TRAK1: variants seen among roughly 807,000 people sequenced by gnomAD.
TRAK1 encodes the protein trafficking kinesin-binding protein 1.
In TRAK1, 33 loss-of-function variants were observed where a neutral mutation model predicts 92.1. The ratio of observed to expected loss-of-function variants is 0.36; its 90% CI spans 0.27 to 0.48. TRAK1 has a LOEUF of 0.48. Among genes scored for constraint, TRAK1 ranks in the 20% least tolerant of loss-of-function variants. The pLI is 0.99. For missense variants in TRAK1, 1,123 were observed against 1,257.9 expected (o/e 0.89, Z 1.62); for synonymous variants, 521 against 517.3 (o/e 1.01, Z -0.10).
chr3:42,135,245 A>G (rs138337389), intron 2 of TRAK1, among the ~76,000 whole-genome samples: 1 of 152,344 alleles, frequency 6.6e-6, no homozygotes, highest in Non-Finnish European at 1.5e-5. Context: ...GGCAGAGATC[A>G]TGTTAGTTTT....
chr3:42,055,902 T>C (rs755196162), intron 1 of TRAK1, among the ~76,000 whole-genome samples: 2 of 150,598 alleles, frequency 1.3e-5, no homozygotes, highest in African/African-American at 2.5e-5. Flanking sequence ...TTTCCTCTTT[T>C]GGACATTTGT....
intron 2 of TRAK1, among the ~76,000 whole-genome samples, chr3:42,146,988 A>G (rs961875396): frequency 6.6e-6 from 1 of 152,160 alleles, no homozygotes; most frequent in Non-Finnish European, 1.5e-5. Context: ...AAGGCCCATC[A>G]TCATCTTTTT....
intron 2 of TRAK1, among the ~76,000 whole-genome samples, chr3:42,139,579 C>T (rs1412258098): frequency 6.6e-6 from 1 of 152,178 alleles, no homozygotes. Context: ...TCATACTGGT[C>T]AGCAGACCTA....
intron 1 of TRAK1, among the ~76,000 whole-genome samples, chr3:42,046,452 G>A (rs1264656972): frequency 6.6e-6 from 1 of 152,112 alleles, no homozygotes; most frequent in Admixed American, 6.5e-5. Context: ...TCTACGGCAG[G>A]GTAGAGTTAG....
chr3:42,102,131 G>A (rs372175465), intron 1 of TRAK1, among the ~76,000 whole-genome samples: 10 of 152,120 alleles, frequency 6.6e-5, no homozygotes, highest in Non-Finnish European at 1.0e-4. Context: ...GATTACAGGC[G>A]CACACCACCA....
At chr3:42,218,474 C>T (rs34290426) in intron 14 of TRAK1, 319,635 of 980,086 alleles carry the variant, frequency 0.33, 53,571 homozygotes, top group East Asian at 0.35. Context: ...AGAATCATCC[C>T]GGCACTTCAT....
At chr3:42,058,137 G>A (rs1211516985) in intron 1 of TRAK1, among the ~76,000 whole-genome samples, 1 of 152,124 alleles carries the variant, frequency 6.6e-6, no homozygotes, top group Non-Finnish European at 1.5e-5. Flanking sequence ...GAGACTTGTG[G>A]CCGGCTTCTG....
At chr3:42,206,427 A>C (rs1231031640) in intron 13 of TRAK1, among the ~76,000 whole-genome samples, 1 of 152,180 alleles carries the variant, frequency 6.6e-6, no homozygotes. Flanking sequence ...TCTCATGTGT[A>C]AGGCCTGTCA....
intron 1 of TRAK1, among the ~76,000 whole-genome samples, chr3:42,029,173 A>G (rs1032933982): frequency 6.6e-6 from 1 of 152,158 alleles, no homozygotes; most frequent in African/African-American, 2.4e-5. Flanking sequence ...CCCATGATCC[A>G]ATCACCTCCC....
intron 13 of TRAK1, chr3:42,203,784 A>G: frequency 1.1e-6 from 1 of 925,226 alleles, no homozygotes; most frequent in South Asian, 5.0e-5. Flanking sequence ...AGACATTTTA[A>G]TACCACATAT....
At chr3:42,219,653 T>TC in intron 15 of TRAK1, 57 bp downstream of exon 15, 1 of 1,589,622 alleles carries the variant, frequency 6.3e-7, no homozygotes, top group East Asian at 2.2e-5. Flanking sequence ...GGCACTCCCT[T>TC]CCCTGCAAGG....
Position 42,209,154 on chromosome 3 carries a change from T to C in TRAK1, c.1745-613T>C, listed in dbSNP as rs190904258. 5.3e-3 allele frequency among the ~76,000 whole-genome samples: 811 copies of C among 152,314 alleles called. 14 individuals carry two copies. The highest frequency in any genetic ancestry group is 0.019 in the African/African-American group (772 of 41,562). On this transcript the variant is annotated intron_variant, in intron 13 of 15. Coordinates refer to ENST00000327628, the MANE Select transcript of TRAK1 (RefSeq NM_001042646.3). ...CCTCTTTAACCCAATTCCTTCTCCC[T>C]AACCCGGCAGCCTCTCAAAGTTGCT...
intron 15 of TRAK1, 114 bp from the exon 16 acceptor site, chr3:42,222,828 C>A (rs573921397): frequency 1.8e-6 from 2 of 1,097,402 alleles, no homozygotes; most frequent in Admixed American, 4.4e-5. Context: ...GCTGGTGGAA[C>A]CCTCTCATCG....
chr3:42,154,694 G>C (rs1388979621), intron 2 of TRAK1, among the ~76,000 whole-genome samples: 1 of 152,152 alleles, frequency 6.6e-6, no homozygotes, highest in Non-Finnish European at 1.5e-5. Flanking sequence ...GCCTCTCAAA[G>C]TGCTGGGATT....
At chr3:42,091,657 C>G (rs4974011) in intron 1 of TRAK1, 97 bp downstream of exon 1, 714,299 of 1,220,642 alleles carry the variant, frequency 0.59, 211,539 homozygotes, top group South Asian at 0.68. Flanking sequence ...TCTCTTGCTC[C>G]GTGCTGCTTG....
intron 2 of TRAK1, among the ~76,000 whole-genome samples, chr3:42,169,234 CGT>C (rs143837704): frequency 0.013 from 1,924 of 150,304 alleles, 44 homozygotes; most frequent in African/African-American, 0.045. Flanking sequence ...GTGGTATTTT[CGT>C]GTGTTTTTTT....
chr3:42,210,054 C>G (rs1708815467), intron 14 of TRAK1, 69 bp downstream of exon 14: 2 of 1,613,290 alleles, frequency 1.2e-6, no homozygotes, highest in African/African-American at 2.7e-5. Context: ...TCAGGCTTCC[C>G]CAGAGGAGAT....
At chr3:42,074,425 G>C (rs940796760) in intron 1 of TRAK1, among the ~76,000 whole-genome samples, 1 of 152,160 alleles carries the variant, frequency 6.6e-6, no homozygotes, top group African/African-American at 2.4e-5. Context: ...GCAAGAAAAA[G>C]AATTGCCCTG....
chr3:42,218,907 T>C (rs562118726), intron 14 of TRAK1: 2 of 985,396 alleles, frequency 2.0e-6, no homozygotes, highest in African/African-American at 3.5e-5. Flanking sequence ...CTTGCCACGT[T>C]GTTGCTGAGG....
Sources: gnomAD v4.1 joint callset for allele counts (sites outside exome capture counted in the v4.1 genomes callset) on GRCh38, gnomAD v4.1.1 for gene constraint, MANE v1.5 for transcripts, NCBI Gene and HGNC (gene_info 2026-07-23, HGNC 2026-07-21) for gene names.